GBX1: variants seen among roughly 807,000 people sequenced by gnomAD.
The protein encoded by GBX1 is homeobox protein GBX-1.
In GBX1, 9 loss-of-function variants were observed where a neutral mutation model predicts 22.9. The observed-to-expected ratio is 0.39, with a 90% CI of 0.24 to 0.69. The LOEUF (loss-of-function observed/expected upper bound fraction) is 0.69, where lower values mean the gene tolerates loss of function less well. Ranked by LOEUF, GBX1 falls within the 30% of genes least tolerant of loss-of-function variation. GBX1 has a pLI of 0.43. For synonymous variants in GBX1, 203 were observed against 227.3 expected, an observed-to-expected ratio of 0.89 and a Z score of 0.96; for missense variants, 494 against 509.2, an observed-to-expected ratio of 0.97 and a Z score of 0.29.
chr7:151,148,894 G>C lies in GBX1; in HGVS notation c.787C>G (p.Arg263Gly), dbSNP rs756008862. The C allele has an allele frequency of 1.9e-6, 3 of 1,614,100 alleles. No individual in the cohort carries two copies. Among genetic ancestry groups the C allele is most frequent in the Non-Finnish European group, 2.5e-6 (3 of 1,180,028 alleles). ...TCGCTGGTAAATGCTGTGCGGCGCC[G>C]TCGGCTTTTCCCCCCAGGAGCTGTG... is the stretch of plus-strand genomic sequence containing the variant. ...GVTAPGGKSR[R>G]RRTAFTSEQL... Residue 263 changes from arginine to glycine, a missense_variant, in exon 2 of 2, where the codon CGG becomes GGG. Coordinates refer to ENST00000297537, the MANE Select transcript of GBX1 (RefSeq NM_001098834.3). This position sits in a 1 kb window ranked among gnomAD's most constrained non-coding sequence, Gnocchi z 5.1.
At chr7:151,156,681 T>C (rs1351639051) in intron 1 of GBX1, among the ~76,000 whole-genome samples, 1 of 152,078 alleles carries the variant, frequency 6.6e-6, no homozygotes, top group African/African-American at 2.4e-5. Context: ...TCAGTGCTTC[T>C]TTTATTTAAA....
chr7:151,148,703 G>C lies in GBX1; in HGVS notation c.978C>G (p.Ser326Arg), dbSNP rs1357787205. The C allele has an allele frequency of 1.2e-6, 2 of 1,614,076 alleles. No individual in the cohort carries two copies. Among genetic ancestry groups the C allele is most frequent in the African/African-American group, 2.7e-5 (2 of 74,924 alleles). ...WKRIKAGNVS[S>R]RSGEPVRNPK... ...GGTTTCTTACGGGCTCCCCAGAACG[G>C]CTGCTCACATTGCCAGCTTTGATGC... The change falls in exon 2 of 2, where the codon AGC becomes AGG. Residue 326 changes from serine (S) to arginine (R), a missense_variant. Around this residue, in one of 3 missense-constraint regions of GBX1, gnomAD observed 124 missense variants for 152.0 expected, o/e 0.82. Transcript: ENST00000297537. This position sits in a 1 kb window ranked among gnomAD's most constrained non-coding sequence, Gnocchi z 5.1.
chr7:151,167,173 C>G lies in GBX1; in HGVS notation c.376G>C (p.Ala126Pro). 1 of 1,581,866 alleles carries G rather than the reference C, an allele frequency of 6.3e-7. No homozygotes were observed. The highest frequency in any genetic ancestry group is 8.6e-7 in the Non-Finnish European group (1 of 1,166,500). Residue 126 changes from alanine to proline, a missense_variant, in exon 1 of 2, where the codon GCC becomes CCC. Physicochemically the swap from Ala to Pro is conservative, Grantham distance 27. This residue lies in a region of GBX1 where 365 missense variants were observed against 340.4 expected (regional missense o/e 1.07). Transcript: ENST00000297537. The surrounding 1 kb of genome is among the most constrained non-coding windows in gnomAD (Gnocchi z 5.9). ...YGPQELAAAA[A>P]AAAATAARNN... ...CGGGCGGCAGTGGCGGCGGCGGCGGCAGCGGCGGCGGCGAGCTCCTGGGGC... is the reference window on the plus strand; with the variant it reads ...CGGGCGGCAGTGGCGGCGGCGGCGGGAGCGGCGGCGGCGAGCTCCTGGGGC...
intron 1 of GBX1, among the ~76,000 whole-genome samples, chr7:151,160,241 T>A (rs1372264199): frequency 6.6e-6 from 1 of 152,206 alleles, no homozygotes; most frequent in Non-Finnish European, 1.5e-5. Flanking sequence ...TATGTACTTG[T>A]AGTGTCCACA....
At chr7:151,149,394 G>A (rs763017951) in intron 1 of GBX1, among the ~76,000 whole-genome samples, 11 of 152,196 alleles carry the variant, frequency 7.2e-5, no homozygotes, top group South Asian at 2.1e-4. Flanking sequence ...ATTTCACTAC[G>A]GAAAAGTGTG....
chr7:151,167,679 G>C lies in GBX1; in HGVS notation c.-131C>G. 4 of 956,304 alleles carry C rather than the reference G, an allele frequency of 4.2e-6. No individual in the cohort carries two copies. The highest frequency in any genetic ancestry group is 3.9e-6 in the Non-Finnish European group (3 of 778,112). 59.2% of individuals were successfully genotyped at this position (956,304 alleles called of 1,614,324 possible). On this transcript the variant is annotated 5_prime_UTR_variant, in exon 1 of 2. Coordinates refer to ENST00000297537, the MANE Select transcript of GBX1 (RefSeq NM_001098834.3). The surrounding 1 kb of genome is among the most constrained non-coding windows in gnomAD (Gnocchi z 5.9). The stretch of plus-strand genomic sequence containing the variant: ...CCGGGCCGAGGTGGCGGCGGGGCGC[G>C]GGCTCGGCGCAGTGTGGCTCCGGCG...
At chr7:151,160,869 A>C (rs541521002) in intron 1 of GBX1, among the ~76,000 whole-genome samples, 1 of 152,280 alleles carries the variant, frequency 6.6e-6, no homozygotes, top group South Asian at 2.1e-4. Context: ...GGTTATGAGC[A>C]CTACCTTGCA....
chr7:151,156,581 A>G (rs1249288146), intron 1 of GBX1, among the ~76,000 whole-genome samples: 2 of 152,050 alleles, frequency 1.3e-5, no homozygotes, highest in Non-Finnish European at 2.9e-5. Context: ...TTAACAAGCT[A>G]CTTTTCCTGT....
chr7:151,160,783 T>C (rs1801180757), intron 1 of GBX1, among the ~76,000 whole-genome samples: 1 of 152,180 alleles, frequency 6.6e-6, no homozygotes, highest in South Asian at 2.1e-4. Context: ...CTGATAACTT[T>C]CTCCCAACAA....
rs1563545145 is a variant in GBX1, at chr7:151,148,479, C to CCTCT, written c.*106_*109dup. On this transcript the variant is annotated 3_prime_UTR_variant, in exon 2 of 2. Transcript: ENST00000297537. The surrounding 1 kb of genome is among the most constrained non-coding windows in gnomAD (Gnocchi z 5.1). ...GGGCTAGGTTAATTGCCAACTAGCC[C>CCTCT]CTCTCAAGGCAGAATCACAGTTGCA... 1 of 1,056,192 alleles carries CCTCT rather than the reference C, an allele frequency of 9.5e-7. No homozygotes were observed. Among genetic ancestry groups the CCTCT allele is most frequent in the East Asian group, 2.6e-5 (1 of 38,898 alleles). 65.4% of individuals were successfully genotyped at this position (1,056,192 alleles called of 1,614,324 possible). A position where few individuals can be genotyped will look rare whatever the true frequency, so the allele number is the denominator to read the frequency against.
At chr7:151,149,228 A>C in intron 1 of GBX1, 86 bp from the exon 2 acceptor site, 2 of 1,313,032 alleles carry the variant, frequency 1.5e-6, no homozygotes, top group South Asian at 1.4e-5. Flanking sequence ...ATGGCCAGAA[A>C]TGGGGGGTTG....
chr7:151,164,607 G>A (rs564096315), intron 1 of GBX1, among the ~76,000 whole-genome samples: 14 of 152,112 alleles, frequency 9.2e-5, no homozygotes, highest in African/African-American at 3.4e-4. Context: ...CCTTACTACT[G>A]TGTCCCAGCC....
chr7:151,151,033 A>G (rs1273317037), intron 1 of GBX1, among the ~76,000 whole-genome samples: 1 of 152,190 alleles, frequency 6.6e-6, no homozygotes, highest in Non-Finnish European at 1.5e-5. Context: ...CGCCCAGCTG[A>G]CATTTTCCTT....
chr7:151,148,886 G>A lies in GBX1; in HGVS notation c.795C>T (p.Arg265=), dbSNP rs1801044826. The A allele has an allele frequency of 6.2e-7, 1 of 1,614,020 alleles. No homozygotes were observed. The highest frequency in any genetic ancestry group is 1.3e-5 in the African/African-American group (1 of 74,892). Residue 265 remains arginine (R), a synonymous_variant, in exon 2 of 2, where the codon CGC becomes CGT. Transcript: ENST00000297537. This position sits in a 1 kb window ranked among gnomAD's most constrained non-coding sequence, Gnocchi z 5.1. ...TAPGGKSRRR[R]TAFTSEQLLE... ...AAAGCTGCTCGCTGGTAAATGCTGT[G>A]CGGCGCCGTCGGCTTTTCCCCCCAG...
At chr7:151,155,651 T>A (rs1290155152) in intron 1 of GBX1, among the ~76,000 whole-genome samples, 1 of 152,150 alleles carries the variant, frequency 6.6e-6, no homozygotes, top group Non-Finnish European at 1.5e-5. Context: ...CCCAGCTTCA[T>A]GACAAGTTCA....
At chr7:151,166,940 C>A (rs529738402) in intron 1 of GBX1, 71 bp downstream of exon 1, 11 of 1,513,136 alleles carry the variant, frequency 7.3e-6, no homozygotes, top group South Asian at 2.3e-5. Context: ...GCCGAGGTTC[C>A]GAGCAGGTTC....
chr7:151,153,154 AG>A (rs1248323634), intron 1 of GBX1, among the ~76,000 whole-genome samples: 36 of 152,354 alleles, frequency 2.4e-4, no homozygotes, highest in African/African-American at 8.7e-4. Flanking sequence ...AGGGCTGAAA[AG>A]TCTAGAGAAG....
At chr7:151,159,816 C>T (rs1563552465) in intron 1 of GBX1, among the ~76,000 whole-genome samples, 2 of 152,198 alleles carry the variant, frequency 1.3e-5, no homozygotes, top group Non-Finnish European at 1.5e-5. Context: ...TTGGTCCCAA[C>T]TGATCCCCAA....
intron 1 of GBX1, among the ~76,000 whole-genome samples, chr7:151,153,046 G>A (rs1801096616): frequency 6.6e-6 from 1 of 152,142 alleles, no homozygotes; most frequent in African/African-American, 2.4e-5. Flanking sequence ...GTGGGAGAGA[G>A]AAGGAAAGGC....
Sources: gnomAD v4.1 joint callset for allele counts (sites outside exome capture counted in the v4.1 genomes callset) on GRCh38, gnomAD v4.1.1 for gene constraint, gnomAD v4.1.1 regional missense constraint, Gnocchi (gnomAD v3.1) non-coding constraint, MANE v1.5 for transcripts, NCBI Gene and HGNC (gene_info 2026-07-23, HGNC 2026-07-21) for gene names.